The following PKD2 variants were observed in gnomAD, a reference collection of about 807,000 sequenced individuals.
The protein encoded by PKD2 is polycystin 2, transient receptor potential cation channel, also known as polycystin-2.
PKD2 carries 48 observed loss-of-function variants against 105.9 expected under a neutral mutation model. The ratio of observed to expected loss-of-function variants is 0.45; its 90% confidence interval spans 0.36 to 0.58. PKD2 has a LOEUF of 0.58. PKD2 is among the 20% of genes least tolerant of loss of function. The probability of loss-of-function intolerance (pLI) is 0.00; values close to 1 mark genes in which losing one functional copy is unlikely to be tolerated. For synonymous variants in PKD2, 464 were observed against 481.1 expected (o/e 0.96, Z 0.46); for missense variants, 1,078 against 1,255.3 (o/e 0.86, Z 2.13).
chr4:88,043,526 C>G (rs942294642), intron 5 of PKD2, 69 bp downstream of exon 5: 1 of 1,165,796 alleles, frequency 8.6e-7, no homozygotes, highest in East Asian at 2.4e-5. Context: ...CTGGGGTTAG[C>G]CAGAAAAACC....
chr4:88,008,545 A>G (rs772573184), intron 1 of PKD2, among the ~76,000 whole-genome samples: 1 of 152,084 alleles, frequency 6.6e-6, no homozygotes, highest in South Asian at 2.1e-4. Context: ...TATTTATTGG[A>G]TACCTCCTTC....
intron 2 of PKD2, among the ~76,000 whole-genome samples, chr4:88,033,054 A>G (rs952711451): frequency 6.6e-6 from 1 of 152,168 alleles, no homozygotes; most frequent in African/African-American, 2.4e-5. Context: ...CAGAGTTTGT[A>G]GAGCTGTCAT....
intron 6 of PKD2, 117 bp downstream of exon 6, chr4:88,046,987 C>T: frequency 1.3e-6 from 1 of 745,062 alleles, no homozygotes; most frequent in Non-Finnish European, 2.4e-6. Flanking sequence ...CTAAAAGTCC[C>T]CCTCAATTAT....
Position 88,065,746 on chromosome 4 carries a change from C to T in PKD2, c.2241-16C>T, listed in dbSNP as rs146128307. On this transcript the variant is annotated splice_polypyrimidine_tract_variant and intron_variant, in intron 11 of 14. Transcript: ENST00000237596. ...ACAAGGAATGATTTTTATCTGTATC[C>T]TCTCTCTAATTTCAGGAAGGGCCAT... The T allele has an allele frequency of 6.5e-7, 1 of 1,538,404 alleles. No homozygotes were observed. Among genetic ancestry groups the T allele is most frequent in the Admixed American group, 1.7e-5 (1 of 59,948 alleles).
chr4:88,073,701 A>T (rs898489371), intron 13 of PKD2, among the ~76,000 whole-genome samples: 9 of 152,234 alleles, frequency 5.9e-5, no homozygotes, highest in African/African-American at 1.9e-4. Flanking sequence ...GAGAAGGCTC[A>T]GATTATGGCT....
At chr4:88,068,680 G>A (rs1433591030) in intron 13 of PKD2, among the ~76,000 whole-genome samples, 1 of 152,168 alleles carries the variant, frequency 6.6e-6, no homozygotes, top group Non-Finnish European at 1.5e-5. Flanking sequence ...GGTTCGTCCT[G>A]AAGAATGTTC....
intron 13 of PKD2, 24 bp downstream of exon 13, chr4:88,068,085 ATT>A: frequency 6.2e-7 from 1 of 1,607,026 alleles, no homozygotes; most frequent in Non-Finnish European, 8.5e-7. Context: ...AATTGGCAGA[ATT>A]TGCGTTGACA....
Position 88,057,988 on chromosome 4 carries a change from C to G in PKD2, c.1904C>G (p.Thr635Ser), listed in dbSNP as rs150314615. ...DFSTFQECIFTQFRIILGDIN... is the reference protein window; with the variant it reads ...DFSTFQECIFSQFRIILGDIN... Reference sequence around the variant, plus strand: ...GTTTTGTTTTATTTTTATAGCTTCACTCAATTCCGTATCATTTTGGGCGAT... The same window carrying G: ...GTTTTGTTTTATTTTTATAGCTTCAGTCAATTCCGTATCATTTTGGGCGAT... Residue 635 changes from threonine (T) to serine (S), a missense_variant, in exon 9 of 15, where the codon ACT (threonine) becomes AGT (serine). Thr to Ser is a moderately conservative substitution (Grantham distance 58). This residue lies in a region of PKD2 where 868 missense variants were observed against 1,067.3 expected (regional missense o/e 0.81). Coordinates refer to ENST00000237596, the MANE Select transcript of PKD2 (RefSeq NM_000297.4). The G allele has an allele frequency of 1.9e-5, 30 of 1,599,642 alleles. No individual in the cohort carries two copies. The highest frequency in any genetic ancestry group is 2.5e-5 in the Non-Finnish European group (29 of 1,166,938).
intron 3 of PKD2, 49 bp from the exon 4 acceptor site, chr4:88,038,202 A>G: frequency 1.2e-6 from 2 of 1,608,110 alleles, no homozygotes; most frequent in Non-Finnish European, 1.7e-6. Flanking sequence ...CAGGGGCAAG[A>G]CAGCGGCTGA....
chr4:88,072,824 G>C (rs1721080925), intron 13 of PKD2, among the ~76,000 whole-genome samples: 1 of 149,142 alleles, frequency 6.7e-6, no homozygotes, highest in Admixed American at 6.7e-5. Flanking sequence ...GATTGCTTGA[G>C]CCAGGAGTTC....
chr4:88,034,072 G>C (rs993744720), intron 2 of PKD2, among the ~76,000 whole-genome samples: 2 of 152,058 alleles, frequency 1.3e-5, no homozygotes, highest in African/African-American at 2.4e-5. Flanking sequence ...AAATATGAAT[G>C]GATTAGAATT....
chr4:88,017,885 G>A (rs1726614159), intron 1 of PKD2, among the ~76,000 whole-genome samples: 1 of 152,148 alleles, frequency 6.6e-6, no homozygotes, highest in Admixed American at 6.5e-5. Flanking sequence ...TGGGAGTAAA[G>A]AGACTAGCAG....
In PKD2 at chr4:88,025,606, C is replaced by T. The variant is rs369238117; in HGVS notation, c.709+6035C>T. 2.5e-3 allele frequency among the ~76,000 whole-genome samples: 366 copies of T among 148,846 alleles called. 3 individuals carry two copies. The highest frequency in any genetic ancestry group is 8.8e-3 in the African/African-American group (352 of 39,892). Reference sequence around the variant, plus strand: ...TCCAGCCTGGGTGACAGAGCAAGACCCTGTCTCAAAAAAAAAAAAAAGAAA... The same window carrying T: ...TCCAGCCTGGGTGACAGAGCAAGACTCTGTCTCAAAAAAAAAAAAAAGAAA... On this transcript the variant is annotated intron_variant, in intron 2 of 14. Coordinates refer to ENST00000237596, the MANE Select transcript of PKD2 (RefSeq NM_000297.4).
intron 2 of PKD2, among the ~76,000 whole-genome samples, chr4:88,033,069 G>A (rs1727215397): frequency 1.3e-5 from 2 of 152,166 alleles, no homozygotes; most frequent in Admixed American, 1.3e-4. Flanking sequence ...TGTCATTCAG[G>A]TGTGCCATGG....
rs1726244746 is a variant in PKD2, at chr4:88,008,132, C to A, written c.399C>A (p.Ser133=). 2 of 1,489,514 alleles carry A rather than the reference C, an allele frequency of 1.3e-6. No homozygotes were observed. The highest frequency in any genetic ancestry group is 1.8e-6 in the Non-Finnish European group (2 of 1,124,046). The allele number at this position is 1,489,514 out of a possible 1,614,324, so 92.3% of individuals were successfully genotyped here. A position where few individuals can be genotyped will look rare whatever the true frequency, so the allele number is the denominator to read the frequency against. ...RRSAASSAVS[S]VGARSRGLGG... Reference sequence around the variant, plus strand: ...CGGCCGCCTCCTCGGCCGTGAGCTCCGTGGGCGCGCGGAGCCGGGGGCTTG... The same window carrying A: ...CGGCCGCCTCCTCGGCCGTGAGCTCAGTGGGCGCGCGGAGCCGGGGGCTTG... The change falls in exon 1 of 15, where the codon TCC becomes TCA. Residue 133 remains serine (S), a synonymous_variant. Coordinates refer to ENST00000237596, the MANE Select transcript of PKD2 (RefSeq NM_000297.4).
chr4:88,022,610 T>C (rs539443164), intron 2 of PKD2, among the ~76,000 whole-genome samples: 1 of 152,348 alleles, frequency 6.6e-6, no homozygotes, highest in Non-Finnish European at 1.5e-5. Flanking sequence ...TCCCTATTGC[T>C]TACCAGCTAT....
chr4:88,043,212 T>C (rs746252149), intron 4 of PKD2, 21 bp from the exon 5 acceptor site: 100 of 1,465,726 alleles, frequency 6.8e-5, no homozygotes, highest in Non-Finnish European at 9.6e-5. Flanking sequence ...CTGTTTGTTT[T>C]TTGGTTTTGT....
chr4:88,020,536 C>T (rs1319073484), intron 2 of PKD2, among the ~76,000 whole-genome samples: 1 of 152,060 alleles, frequency 6.6e-6, no homozygotes, highest in Non-Finnish European at 1.5e-5. Flanking sequence ...GTCCAGAAAG[C>T]CACAGGTGAT....
At chr4:88,016,175 G>A (rs905646884) in intron 1 of PKD2, among the ~76,000 whole-genome samples, 106 of 152,280 alleles carry the variant, frequency 7.0e-4, no homozygotes, top group Non-Finnish European at 2.6e-4. Flanking sequence ...TGTGGGGCCC[G>A]GTTCCTAACA....
Sources: allele counts gnomAD v4.1 joint callset (sites outside exome capture counted in the v4.1 genomes callset), GRCh38; gene constraint gnomAD v4.1.1; regional missense constraint gnomAD v4.1.1; transcripts MANE v1.5; gene names NCBI Gene and HGNC (gene_info 2026-07-23, HGNC 2026-07-21).